The following HHAT variants were observed in gnomAD, a reference collection of about 807,000 sequenced individuals.
HHAT encodes hedgehog acyltransferase, also known as protein-cysteine N-palmitoyltransferase HHAT.
Under a neutral mutation model 70.8 loss-of-function variants are expected in HHAT, and 47 were observed. The ratio of observed to expected loss-of-function variants is 0.66; its 90% confidence interval spans 0.53 to 0.85. HHAT has a LOEUF of 0.85. Among genes scored for constraint, HHAT ranks in the 40% least tolerant of loss-of-function variants. The pLI, the probability that HHAT is intolerant of heterozygous loss-of-function variation, is 0.00. For synonymous variants in HHAT, 228 were observed against 247.6 expected (o/e 0.92, Z 0.74); for missense variants, 609 against 604.8 (o/e 1.01, Z -0.07).
At position 210,533,807 on chromosome 1, in the gene HHAT, T is replaced by A. The variant is rs1023917736; in HGVS notation, c.1043+20619T>A. 2.6e-5 allele frequency among the ~76,000 whole-genome samples: 4 copies of A among 152,200 alleles called. No homozygotes were observed. In the South Asian group the frequency reaches 8.3e-4, roughly 32 times the overall value. ...ATTTTGATCTTCCTGGCTTTCTCTC[T>A]AATAAAGAAATCAAAGATTGATAAT... On this transcript the variant is annotated intron_variant, in intron 9 of 11. Transcript: ENST00000261458.
At chr1:210,543,221 A>G (rs12404948) in intron 9 of HHAT, among the ~76,000 whole-genome samples, 45,095 of 151,940 alleles carry the variant, frequency 0.3, 6,740 homozygotes, top group Middle Eastern at 0.38. Context: ...GGGTTAACAG[A>G]GGCAGGGAAG....
chr1:210,429,003 G>C (rs769116145), intron 7 of HHAT, among the ~76,000 whole-genome samples: 1 of 151,690 alleles, frequency 6.6e-6, no homozygotes, highest in African/African-American at 2.4e-5. Context: ...CACCCACCTC[G>C]CTCCGGCAAA....
chr1:210,443,641 CTGTT>C (rs1379334338), intron 7 of HHAT, among the ~76,000 whole-genome samples: 515 of 31,508 alleles, frequency 0.016, 24 homozygotes, highest in African/African-American at 0.047. Flanking sequence ...ATTTGGCTCT[CTGTT>C]TGTCTGTTGT....
At chr1:210,348,729 A>ATGTATGCGTG (rs1553317670) in intron 1 of HHAT, among the ~76,000 whole-genome samples, 1 of 72,264 alleles carries the variant, frequency 1.4e-5, no homozygotes, top group Non-Finnish European at 2.5e-5. Flanking sequence ...TGTGTGGTGT[A>ATGTATGCGTG]TGTGTGCGTG....
rs1293453197 is a variant in HHAT at position 210,591,281 on chromosome 1, C to T, written c.1245+3182C>T. On this transcript the variant is annotated intron_variant, in intron 10 of 11. Transcript: ENST00000261458. ...AGTTCAGTTGTTTTAATTTTTAACT[C>T]CCACAAACAAGTGAGAACAGGTGAA... 5.3e-5 allele frequency among the ~76,000 whole-genome samples: 8 copies of T among 152,110 alleles called. 2 individuals are homozygous for T. The highest frequency in any genetic ancestry group is 1.5e-5 in the Non-Finnish European group (1 of 67,998).
chr1:210,597,145 A>G (rs770125489), intron 10 of HHAT, among the ~76,000 whole-genome samples: 7 of 152,216 alleles, frequency 4.6e-5, no homozygotes, highest in African/African-American at 7.2e-5. Context: ...ATTGTCAGGT[A>G]AAGACTCTTG....
At chr1:210,630,806 G>T (rs1241051749) in intron 11 of HHAT, among the ~76,000 whole-genome samples, 3 of 152,158 alleles carry the variant, frequency 2.0e-5, no homozygotes, top group Non-Finnish European at 2.9e-5. Flanking sequence ...CTCTCCTTTG[G>T]AGTGTGGAGT....
intron 11 of HHAT, among the ~76,000 whole-genome samples, chr1:210,640,893 A>G (rs1218194817): frequency 6.6e-6 from 1 of 152,228 alleles, no homozygotes; most frequent in African/African-American, 2.4e-5. Context: ...CTAGAATTCA[A>G]GTTAAATGAC....
At chr1:210,592,154 C>T (rs1347032460) in intron 10 of HHAT, among the ~76,000 whole-genome samples, 1 of 152,026 alleles carries the variant, frequency 6.6e-6, no homozygotes, top group Non-Finnish European at 1.5e-5. Context: ...TCAGTAGTTT[C>T]ATATTGTGAG....
chr1:210,552,359 C>T (rs558350368), intron 9 of HHAT, among the ~76,000 whole-genome samples: 1 of 152,254 alleles, frequency 6.6e-6, no homozygotes, highest in South Asian at 2.1e-4. Context: ...CGATTTGTGT[C>T]CTTCTGAGAT....
intron 10 of HHAT, among the ~76,000 whole-genome samples, chr1:210,603,723 C>G (rs1187430231): frequency 6.6e-6 from 1 of 152,188 alleles, no homozygotes; most frequent in African/African-American, 2.4e-5. Context: ...TTTTAAAGAT[C>G]TAAGGCAGAG....
At chr1:210,641,306 T>G (rs1345277610) in intron 11 of HHAT, among the ~76,000 whole-genome samples, 1 of 152,176 alleles carries the variant, frequency 6.6e-6, no homozygotes, top group Non-Finnish European at 1.5e-5. Flanking sequence ...ATGATCAGTT[T>G]TTAAAATTGA....
chr1:210,411,293 C>T (rs1327649045), intron 6 of HHAT, among the ~76,000 whole-genome samples: 2 of 152,180 alleles, frequency 1.3e-5, no homozygotes, highest in Non-Finnish European at 2.9e-5. Flanking sequence ...CTGTCCTGGC[C>T]TTCAGGGAAC....
intron 11 of HHAT, among the ~76,000 whole-genome samples, chr1:210,649,530 C>A (rs375933098): frequency 6.6e-6 from 1 of 152,220 alleles, no homozygotes; most frequent in Non-Finnish European, 1.5e-5. Flanking sequence ...CCTCAGATAG[C>A]AGAGTAATGC....
intron 10 of HHAT, among the ~76,000 whole-genome samples, chr1:210,590,708 A>T (rs1329030201): frequency 6.6e-6 from 1 of 152,100 alleles, no homozygotes; most frequent in Non-Finnish European, 1.5e-5. Context: ...TGCTTTATTC[A>T]GTCTACTGAT....
At chr1:210,370,304 A>G (rs2089448143) in intron 3 of HHAT, among the ~76,000 whole-genome samples, 1 of 149,606 alleles carries the variant, frequency 6.7e-6, no homozygotes, top group Admixed American at 6.7e-5. Context: ...CCTCCCAAGT[A>G]CCTGGGATTA....
intron 2 of HHAT, among the ~76,000 whole-genome samples, chr1:210,359,708 A>G (rs2088046033): frequency 6.6e-6 from 1 of 152,188 alleles, no homozygotes; most frequent in South Asian, 2.1e-4. Context: ...CTCTACTAAA[A>G]ATACAAAAAT....
intron 6 of HHAT, among the ~76,000 whole-genome samples, chr1:210,411,289 T>C (rs1230826510): frequency 1.3e-5 from 2 of 152,214 alleles, no homozygotes; most frequent in Non-Finnish European, 2.9e-5. Flanking sequence ...GGTACTGTCC[T>C]GGCCTTCAGG....
At chr1:210,631,437 C>G (rs910291089) in intron 11 of HHAT, among the ~76,000 whole-genome samples, 1 of 152,164 alleles carries the variant, frequency 6.6e-6, no homozygotes, top group African/African-American at 2.4e-5. Context: ...TGGCACTGAC[C>G]AGTCTACACA....
Sources: gnomAD v4.1 joint callset for allele counts (sites outside exome capture counted in the v4.1 genomes callset) on GRCh38, gnomAD v4.1.1 for gene constraint, MANE v1.5 for transcripts, NCBI Gene and HGNC (gene_info 2026-07-23, HGNC 2026-07-21) for gene names.